The following ACADVL variants were observed in gnomAD, a reference collection of about 807,000 sequenced individuals.
ACADVL encodes the protein very long-chain acyl-CoA dehydrogenase, mitochondrial.
Under a neutral mutation model 80.4 loss-of-function variants are expected in ACADVL, and 73 were observed. The observed-to-expected ratio is 0.91, with a 90% confidence interval of 0.75 to 1.10. The LOEUF is 1.10. Among genes scored for constraint, ACADVL ranks in the 50% least tolerant of loss-of-function variants. ACADVL has a pLI of 0.00. For synonymous variants in ACADVL, 392 were observed against 326.5 expected, an observed-to-expected ratio of 1.20 and a Z score of -2.16; for missense variants, 878 against 858.9, an observed-to-expected ratio of 1.02 and a Z score of -0.28.
Position 7,222,781 on chromosome 17 carries a change from G to A in ACADVL, c.993G>A (p.Lys331=), listed in dbSNP as rs2071292349. ...NVLGEVGSGF[K]VAMHILNNGR... ...TGGGTGAGGTTGGGAGTGGCTTCAA[G>A]GTTGCCATGCACATCCTCAACAATG... is the stretch of plus-strand genomic sequence containing the variant. Residue 331 remains lysine, a synonymous_variant, in exon 10 of 20, where the codon AAG becomes AAA. Transcript: ENST00000356839. 7 of 1,614,082 alleles carry A rather than the reference G, an allele frequency of 4.3e-6. No homozygotes were observed. The highest frequency in any genetic ancestry group is 2.2e-5 in the South Asian group (2 of 91,078).
rs1394155627 is a variant in ACADVL at position 7,224,996 on chromosome 17, T to C, written c.1867T>C (p.Ser623Pro). The C allele has an allele frequency of 3.1e-6, 5 of 1,614,076 alleles. No individual in the cohort carries two copies. The South Asian group carries it at 3.3e-5, about 11-fold the overall frequency. The change falls in exon 20 of 20, where the codon TCT becomes CCT. Residue 623 changes from serine (S) to proline (P), a missense_variant. Transcript: ENST00000356839. The stretch of plus-strand genomic sequence containing the variant: ...CCGAGAGGGCATGGCCGCCCTGCAG[T>C]CTGACCCCTGGCAGCAAGAGCTCTA... ...RIREGMAALQ[S>P]DPWQQELYRN...
chr17:7,224,259 G>C lies in ACADVL; in HGVS notation c.1532+16G>C, dbSNP rs2142987315. ...AGCTGAGGCGGTAGGCTTAGGGCCA[G>C]AGCCAGGGGAGGGCAGGGTGGTGTA... On this transcript the variant is annotated intron_variant, in intron 15 of 19. Coordinates refer to ENST00000356839, the MANE Select transcript of ACADVL (RefSeq NM_000018.4). The C allele has an allele frequency of 1.2e-6, 2 of 1,613,682 alleles. No individual in the cohort carries two copies. The highest frequency in any genetic ancestry group is 1.7e-6 in the Non-Finnish European group (2 of 1,180,002).
At chr17:7,222,426 C>G in intron 9 of ACADVL, 124 bp downstream of exon 9, 4 of 1,415,826 alleles carry the variant, frequency 2.8e-6, no homozygotes, top group Non-Finnish European at 3.8e-6. Flanking sequence ...TGAATGTGGC[C>G]TTTGGGACTA....
Position 7,220,840 on chromosome 17 carries a change from G to T in ACADVL, c.342+10G>T, listed in dbSNP as rs1226688830. 1.5e-5 allele frequency: 25 copies of T among 1,613,990 alleles called. No homozygotes were observed. Among genetic ancestry groups the T allele is most frequent in the Non-Finnish European group, 2.0e-5 (24 of 1,180,050 alleles). ...GTCCCGTTTCTTCGAGGTAAGGAATGACTCGGGGCTTGGTCCCTGGTGAGG... is the reference window on the plus strand; with the variant it reads ...GTCCCGTTTCTTCGAGGTAAGGAATTACTCGGGGCTTGGTCCCTGGTGAGG... On this transcript the variant is annotated intron_variant, in intron 5 of 19. Coordinates refer to ENST00000356839, the MANE Select transcript of ACADVL (RefSeq NM_000018.4).
In ACADVL at chr17:7,220,216, G is replaced by T; in HGVS notation, c.138+19G>T. 1 of 1,528,588 alleles carries T rather than the reference G, an allele frequency of 6.5e-7. No individual in the cohort carries two copies. The highest frequency in any genetic ancestry group is 1.2e-5 in the South Asian group (1 of 83,472). The allele number at this position is 1,528,588 out of a possible 1,614,324, so 94.7% of individuals were successfully genotyped here. On this transcript the variant is annotated intron_variant, in intron 2 of 19. Transcript: ENST00000356839. ...CGCTCAGGTAAGTCACCGCAGCCTTGGCAAGGGGGTGTGGGAGCGGCGGTC... is the reference window on the plus strand; with the variant it reads ...CGCTCAGGTAAGTCACCGCAGCCTTTGCAAGGGGGTGTGGGAGCGGCGGTC...
chr17:7,219,297 G>A, upstream of ACADVL: 1 of 711,724 alleles, frequency 1.4e-6, no homozygotes, highest in Non-Finnish European at 1.8e-6. Flanking sequence ...CCATCTGCCT[G>A]GGCACATGGT....
chr17:7,220,185 G>C lies in ACADVL; in HGVS notation c.126G>C (p.Gly42=), dbSNP rs1315511335. ...RPGPARRPYA[G]GAAQLALDKS... Reference sequence around the variant, plus strand: ...GCCCTGCCCGGCGGCCCTATGCCGGGGGTGCCGCTCAGGTAAGTCACCGCA... The same window carrying C: ...GCCCTGCCCGGCGGCCCTATGCCGGCGGTGCCGCTCAGGTAAGTCACCGCA... The change falls in exon 2 of 20, where the codon GGG becomes GGC. Residue 42 remains glycine (G), a synonymous_variant. Transcript: ENST00000356839. The C allele has an allele frequency of 6.5e-7, 1 of 1,534,278 alleles. No individual in the cohort carries two copies. Among genetic ancestry groups the C allele is most frequent in the East Asian group, 2.4e-5 (1 of 41,264 alleles).
chr17:7,222,171 C>T lies in ACADVL; in HGVS notation c.753-6C>T, dbSNP rs1310885584. The T allele has an allele frequency of 1.9e-6, 3 of 1,614,070 alleles. No homozygotes were observed. The Admixed American group carries it at 5.0e-5, about 27-fold the overall frequency. ...TCCACGCCCTGAATATCCCATTCTT[C>T]CACAGTAATGGGGGCCTAGCAGACA... On this transcript the variant is annotated splice_polypyrimidine_tract_variant and splice_region_variant and intron_variant, in intron 8 of 19. Coordinates refer to ENST00000356839, the MANE Select transcript of ACADVL (RefSeq NM_000018.4).
In ACADVL at chr17:7,220,652, G is replaced by A. The variant is rs781758731; in HGVS notation, c.253G>A (p.Asp85Asn). The A allele has an allele frequency of 6.2e-7, 1 of 1,614,208 alleles. No individual in the cohort carries two copies. Among genetic ancestry groups the A allele is most frequent in the South Asian group, 1.1e-5 (1 of 91,074 alleles). ...VGMFKGQLTT[D>N]QVFPYPSVLN... ...AATGTTCAAAGGCCAGCTCACCACA[G>A]ATCAGGTGTTCCCATACCCGTCCGG... Residue 85 changes from aspartate to asparagine, a missense_variant, in exon 4 of 20, where the codon GAT (aspartate) becomes AAT (asparagine). By Grantham distance (23) the Asp-to-Asn change is conservative. Coordinates refer to ENST00000356839, the MANE Select transcript of ACADVL (RefSeq NM_000018.4).
In ACADVL at chr17:7,220,020, G is replaced by T; in HGVS notation, c.36G>T (p.Arg12=). ...CTCGGATGGCCGCGAGCTTGGGGCG[G>T]CAGCTGCTGAGGCTCGGGGGCGGAA... ...QAARMAASLG[R]QLLRLGGGSS... is the part of the protein sequence containing the mutation. Residue 12 remains arginine, a synonymous_variant, in exon 1 of 20, where the codon CGG becomes CGT. Transcript: ENST00000356839. The T allele has an allele frequency of 6.2e-7, 1 of 1,605,278 alleles. No homozygotes were observed. Among genetic ancestry groups the T allele is most frequent in the Non-Finnish European group, 8.5e-7 (1 of 1,178,896 alleles).
In ACADVL at chr17:7,224,745, G is replaced by C. The variant is rs779535755; in HGVS notation, c.1751+31G>C. 1.2e-5 allele frequency: 19 copies of C among 1,611,546 alleles called. No individual in the cohort carries two copies. The South Asian group carries it at 1.9e-4, about 16-fold the overall frequency. On this transcript the variant is annotated intron_variant, in intron 18 of 19. Transcript: ENST00000356839. ...GAGGCAGGCAGGGAATGCCTGAGCC[G>C]CAGGGGGCCTGGGCCTGGATCCCAG...
upstream of ACADVL, chr17:7,217,583 G>A (rs981997670): frequency 5.8e-6 from 8 of 1,379,136 alleles, no homozygotes; most frequent in African/African-American, 6.2e-5. Context: ...AAACGGCAGC[G>A]GCCGAGGGAG....
At chr17:7,219,682 A>G (rs921097477), upstream of ACADVL, 56 of 1,346,052 alleles carry the variant, frequency 4.2e-5, no homozygotes, top group South Asian at 8.4e-4. Context: ...CAGTGACTTA[A>G]GCCCCTTCCT....
intron 9 of ACADVL, 108 bp from the exon 10 acceptor site, chr17:7,222,559 T>C (rs947575178): frequency 1.6e-6 from 2 of 1,268,226 alleles, no homozygotes; most frequent in Admixed American, 2.0e-5. Context: ...CCTCTAATAG[T>C]CTAGTGGTCG....
chr17:7,218,430 C>A, upstream of ACADVL: 1 of 1,383,618 alleles, frequency 7.2e-7, no homozygotes, highest in South Asian at 1.2e-5. Flanking sequence ...ATAGGCAGGA[C>A]CCTGCATGGT....
chr17:7,222,972 C>T, intron 10 of ACADVL, 107 bp downstream of exon 10: 1 of 1,476,364 alleles, frequency 6.8e-7, no homozygotes, highest in Non-Finnish European at 9.3e-7. Flanking sequence ...AGAAACTCCT[C>T]CCCTACCAGC....
In ACADVL at chr17:7,223,866, C is replaced by A; in HGVS notation, c.1323C>A (p.Gly441=). Reference sequence around the variant, plus strand: ...GCATCCAAATCATGGGGGGTATGGGCTTCATGAAGGTACAGGACGGTCTTC... The same window carrying A: ...GCATCCAAATCATGGGGGGTATGGGATTCATGAAGGTACAGGACGGTCTTC... The part of the protein sequence containing the change: ...DECIQIMGGM[G]FMKEPGVERV... Residue 441 remains glycine, a synonymous_variant, in exon 13 of 20, where the codon GGC becomes GGA. Coordinates refer to ENST00000356839, the MANE Select transcript of ACADVL (RefSeq NM_000018.4). 6.2e-7 allele frequency: 1 copy of A among 1,614,052 alleles called. No individual in the cohort carries two copies. Among genetic ancestry groups the A allele is most frequent in the East Asian group, 2.2e-5 (1 of 44,876 alleles).
intron 11 of ACADVL, 194 bp downstream of exon 11, chr17:7,223,431 A>G: frequency 1.2e-6 from 1 of 800,564 alleles, no homozygotes; most frequent in African/African-American, 1.7e-5. Flanking sequence ...GGTGCCTGCC[A>G]GCAGTACCAG....
At chr17:7,217,920 G>C, upstream of ACADVL, 6 of 1,180,684 alleles carry the variant, frequency 5.1e-6, no homozygotes, top group South Asian at 6.8e-5. Flanking sequence ...GCGGTAGGGG[G>C]TCGGGTGTGA....
Sources: allele counts gnomAD v4.1 joint callset, GRCh38; gene constraint gnomAD v4.1.1; transcripts MANE v1.5; gene names NCBI Gene and HGNC (gene_info 2026-07-23, HGNC 2026-07-21).